Variants in RANBP17 observed in about 807,000 individuals in gnomAD.
RANBP17 encodes RAN binding protein 17, also known as ran-binding protein 17.
RANBP17 carries 158 observed loss-of-function variants against 141.2 expected under a neutral mutation model. The ratio of observed to expected loss-of-function variants is 1.12; its 90% CI spans 0.98 to 1.28. The LOEUF is 1.28. Ranked by LOEUF, RANBP17 falls within the 50% of genes most tolerant of loss-of-function variation. The pLI is 0.00. For missense variants in RANBP17, 1,438 were observed against 1,290.7 expected (o/e 1.11, Z -1.75); for synonymous variants, 430 against 450.0 (o/e 0.96, Z 0.56).
At position 170,916,152 on chromosome 5, in the gene RANBP17, TATA is replaced by T. The variant is rs1414389190; in HGVS notation, c.835-310_835-308del. Among the ~76,000 whole-genome samples, 34 of 120,272 alleles carry T rather than the reference TATA, an allele frequency of 2.8e-4. 1 individual carries two copies. The highest frequency in any genetic ancestry group is 9.2e-4 in the African/African-American group (32 of 34,624). 78.9% of individuals were successfully genotyped at this position (120,272 alleles called of 152,430 possible). On this transcript the variant is annotated intron_variant, in intron 8 of 27. Coordinates refer to ENST00000523189, the MANE Select transcript of RANBP17 (RefSeq NM_022897.5). ...TCATGCGTTATATTCTATATTGCATTATAATGCGTTATATTCTATATTGCATTA... is the reference window on the plus strand; with the variant it reads ...TCATGCGTTATATTCTATATTGCATTATGCGTTATATTCTATATTGCATTA...
Position 171,240,961 on chromosome 5 carries a change from A to G in RANBP17, c.2456A>G (p.Lys819Arg). ...NQILSLGSLS[K>R]DQIYPMKLKG... is the part of the protein sequence containing the mutation. ...ATCCTGTCCCTTGGGAGCCTCTCAAAAGATCAGATTTATCCAATGAAACTC... is the reference window on the plus strand; with the variant it reads ...ATCCTGTCCCTTGGGAGCCTCTCAAGAGATCAGATTTATCCAATGAAACTC... Residue 819 changes from lysine to arginine, a missense_variant, in exon 23 of 28, where the codon AAA becomes AGA. Lys to Arg is a conservative substitution (Grantham distance 26). Coordinates refer to ENST00000523189, the MANE Select transcript of RANBP17 (RefSeq NM_022897.5). 1.2e-6 allele frequency: 2 copies of G among 1,613,896 alleles called. No individual in the cohort carries two copies. Among genetic ancestry groups the G allele is most frequent in the Non-Finnish European group, 1.7e-6 (2 of 1,179,830 alleles).
chr5:170,997,942 T>C (rs1161038653), intron 14 of RANBP17, among the ~76,000 whole-genome samples: 1 of 150,738 alleles, frequency 6.6e-6, no homozygotes, highest in African/African-American at 2.5e-5. Context: ...AAAAGAAACA[T>C]ATTAATTTTA....
intron 14 of RANBP17, among the ~76,000 whole-genome samples, chr5:170,981,770 A>T (rs923579608): frequency 6.6e-6 from 1 of 152,148 alleles, no homozygotes; most frequent in Non-Finnish European, 1.5e-5. Context: ...AACCAGATGT[A>T]TAAGCGGTAT....
At chr5:171,062,610 A>C (rs1257476726) in intron 14 of RANBP17, among the ~76,000 whole-genome samples, 2 of 151,976 alleles carry the variant, frequency 1.3e-5, no homozygotes, top group African/African-American at 4.8e-5. Flanking sequence ...CTTCATTTCA[A>C]CTTTGGTGAA....
At chr5:171,256,934 A>G (rs1486272773) in intron 24 of RANBP17, among the ~76,000 whole-genome samples, 1 of 152,146 alleles carries the variant, frequency 6.6e-6, no homozygotes, top group Non-Finnish European at 1.5e-5. Context: ...AAATCCCAGC[A>G]AAAAAACTCA....
intron 20 of RANBP17, chr5:171,207,102 T>C (rs894250565): frequency 7.9e-5 from 13 of 164,236 alleles, no homozygotes; most frequent in Non-Finnish European, 1.6e-4. Context: ...GCTGGGACTG[T>C]GGTGCTACAG....
chr5:171,118,649 A>G (rs957115852), intron 14 of RANBP17, among the ~76,000 whole-genome samples: 9 of 152,100 alleles, frequency 5.9e-5, no homozygotes, highest in Non-Finnish European at 1.0e-4. Flanking sequence ...TTTTGTAGCT[A>G]GTATTGTAAA....
Position 171,169,648 on chromosome 5 carries a change from A to G in RANBP17, c.1711-482A>G, listed in dbSNP as rs140160531. 5.6e-3 allele frequency among the ~76,000 whole-genome samples: 844 copies of G among 151,898 alleles called. 4 individuals carry two copies. The highest frequency in any genetic ancestry group is 8.4e-3 in the Non-Finnish European group (569 of 67,932). On this transcript the variant is annotated intron_variant, in intron 14 of 27. Transcript: ENST00000523189. ...TAGGTAATATTTGAGGAGAATTTCT[A>G]TAAGTTAACTTCCTTTGATTTTTTT... is the stretch of plus-strand genomic sequence containing the variant.
chr5:170,884,195 T>A (rs962688351), intron 3 of RANBP17, among the ~76,000 whole-genome samples: 3 of 152,318 alleles, frequency 2.0e-5, no homozygotes, highest in South Asian at 2.1e-4. Context: ...TGAGAACATA[T>A]GATATACAGC....
chr5:171,088,502 G>C (rs1254599100), intron 14 of RANBP17, among the ~76,000 whole-genome samples: 1 of 152,146 alleles, frequency 6.6e-6, no homozygotes, highest in Admixed American at 6.5e-5. Flanking sequence ...GAATCTGAAT[G>C]TTGGCCTGCC....
At chr5:170,894,384 A>C (rs1184898287) in intron 4 of RANBP17, among the ~76,000 whole-genome samples, 1 of 151,660 alleles carries the variant, frequency 6.6e-6, no homozygotes, top group Non-Finnish European at 1.5e-5. Flanking sequence ...GTTGGGATTC[A>C]ATGTACCTTT....
rs1785066011 is a variant in RANBP17 at position 171,078,340 on chromosome 5, G to C, written c.1711-91790G>C. On this transcript the variant is annotated intron_variant, in intron 14 of 27. Coordinates refer to ENST00000523189, the MANE Select transcript of RANBP17 (RefSeq NM_022897.5). ...ACCACGCCCAGCTAATTTTTTGGTA[G>C]AGACGGAGTTTCACCATGTTGGCAA... is the stretch of plus-strand genomic sequence containing the variant. Among the ~76,000 whole-genome samples the C allele has an allele frequency of 3.3e-5, 5 of 151,948 alleles. No homozygotes were observed. In the South Asian group the frequency reaches 8.3e-4, roughly 25 times the overall value.
Position 171,055,881 on chromosome 5 carries a change from A to C in RANBP17, c.1710+87504A>C, listed in dbSNP as rs1366703348. Reference sequence around the variant, plus strand: ...GTTTCTCCAGTTGTGTCCTGTTGCCAAAAAAAAAAAAAAAACAAAAAAAAA... The same window carrying C: ...GTTTCTCCAGTTGTGTCCTGTTGCCCAAAAAAAAAAAAAAACAAAAAAAAA... On this transcript the variant is annotated intron_variant, in intron 14 of 27. Transcript: ENST00000523189. Among the ~76,000 whole-genome samples the C allele has an allele frequency of 1.5e-4, 6 of 40,258 alleles. No homozygotes were observed. The East Asian group carries it at 6.9e-3, about 46-fold the overall frequency. 26.4% of individuals were successfully genotyped at this position (40,258 alleles called of 152,430 possible).
chr5:170,975,772 G>T (rs1056720898), intron 14 of RANBP17, among the ~76,000 whole-genome samples: 1 of 151,968 alleles, frequency 6.6e-6, no homozygotes, highest in Admixed American at 6.6e-5. Flanking sequence ...AGCTCTGTTT[G>T]TTTTTTATTC....
chr5:171,007,903 A>G (rs1216667304), intron 14 of RANBP17, among the ~76,000 whole-genome samples: 1 of 152,168 alleles, frequency 6.6e-6, no homozygotes, highest in Non-Finnish European at 1.5e-5. Context: ...AGGCAAGTTT[A>G]AAGAGAAGGG....
intron 25 of RANBP17, among the ~76,000 whole-genome samples, chr5:171,280,216 A>G (rs534945933): frequency 2.0e-5 from 3 of 151,990 alleles, no homozygotes; most frequent in Non-Finnish European, 2.9e-5. Flanking sequence ...TGTGAATCCA[A>G]CCTTTACATT....
intron 1 of RANBP17, among the ~76,000 whole-genome samples, chr5:170,874,894 C>T (rs11134662): frequency 6.6e-6 from 1 of 151,944 alleles, no homozygotes; most frequent in Non-Finnish European, 1.5e-5. Context: ...TTATTTTGCC[C>T]GTTAGTTGAT....
chr5:171,030,299 A>C (rs1781475001), intron 14 of RANBP17, among the ~76,000 whole-genome samples: 1 of 152,056 alleles, frequency 6.6e-6, no homozygotes, highest in Non-Finnish European at 1.5e-5. Context: ...AGCATTCATT[A>C]TTTGGAACCA....
chr5:171,098,064 C>T (rs1786831829), intron 14 of RANBP17, among the ~76,000 whole-genome samples: 1 of 152,046 alleles, frequency 6.6e-6, no homozygotes, highest in Non-Finnish European at 1.5e-5. Flanking sequence ...GGTTCCAAGT[C>T]TCTGCTATTG....
Sources: allele counts gnomAD v4.1 joint callset (sites outside exome capture counted in the v4.1 genomes callset), GRCh38; gene constraint gnomAD v4.1.1; transcripts MANE v1.5; gene names NCBI Gene and HGNC (gene_info 2026-07-23, HGNC 2026-07-21).